Variants in RBBP4 observed in about 807,000 individuals in gnomAD.
The protein encoded by RBBP4 is RB binding protein 4, chromatin remodeling factor, also known as histone-binding protein RBBP4.
A neutral mutation model predicts 57.2 loss-of-function variants in RBBP4; 3 were observed. The ratio of observed to expected loss-of-function variants is 0.05; its 90% CI spans 0.02 to 0.14. The LOEUF is 0.14. Ranked by LOEUF, RBBP4 falls within the 10% of genes least tolerant of loss-of-function variation. The pLI is 1.00. For synonymous variants in RBBP4, 151 were observed against 171.5 expected (o/e 0.88, Z 0.93); for missense variants, 107 against 520.6 (o/e 0.21, Z 7.73).
At chr1:32,661,308 T>TTC (rs1180242635) in intron 3 of RBBP4, among the ~76,000 whole-genome samples, 1 of 148,992 alleles carries the variant, frequency 6.7e-6, no homozygotes, top group Non-Finnish European at 1.5e-5. Context: ...GTTCCTTTTT[T>TTC]TTTTTTTTTG....
In RBBP4 at chr1:32,653,637, G is replaced by GTTTTTTTTGTTTTTTTTTTTTT. The variant is rs1557849770; in HGVS notation, c.164+1584_164+1585insGTTTTTTTTTTTTTTTTTTTTT. Among the ~76,000 whole-genome samples, 30 of 20,780 alleles carry GTTTTTTTTGTTTTTTTTTTTTT rather than the reference G, an allele frequency of 1.4e-3. 6 individuals are homozygous for GTTTTTTTTGTTTTTTTTTTTTT. Among genetic ancestry groups the GTTTTTTTTGTTTTTTTTTTTTT allele is most frequent in the East Asian group, 2.4e-3 (1 of 424 alleles). The allele number at this position is 20,780 out of a possible 152,430, so 13.6% of individuals were successfully genotyped here. On this transcript the variant is annotated intron_variant, in intron 2 of 11. Transcript: ENST00000373493. ...TGCTTTGTGTGTTTTTTGTTTTCTG[G>GTTTTTTTTGTTTTTTTTTTTTT]TTTTTTTTTTTTTTTTTTTTTTGTT... is the stretch of plus-strand genomic sequence containing the variant.
intron 2 of RBBP4, 116 bp downstream of exon 2, chr1:32,652,177 G>C (rs1377456317): frequency 1.6e-6 from 2 of 1,252,106 alleles, no homozygotes; most frequent in Non-Finnish European, 2.2e-6. Context: ...AAAACCTCTT[G>C]GTGACATTTT....
In RBBP4 at chr1:32,686,155, A is replaced by G. The variant is rs1269965973; in HGVS notation, c.*6450A>G. ...ATGTAAAATATGTCAAAAATATTTG[A>G]TACTGATTACATGTTGAAATATATG... On this transcript the variant is annotated 3_prime_UTR_variant, in exon 12 of 12. Transcript: ENST00000373493. 1 of 152,250 alleles carries G rather than the reference A, an allele frequency of 6.6e-6. No individual in the cohort carries two copies. The highest frequency in any genetic ancestry group is 1.5e-5 in the Non-Finnish European group (1 of 68,046). The allele number at this position is 152,250 out of a possible 1,614,324, so 9.4% of individuals were successfully genotyped here. A position where few individuals can be genotyped will look rare whatever the true frequency, so the allele number is the denominator to read the frequency against.
At chr1:32,655,130 AG>A (rs1272935834) in intron 2 of RBBP4, among the ~76,000 whole-genome samples, 2 of 152,106 alleles carry the variant, frequency 1.3e-5, no homozygotes, top group African/African-American at 2.4e-5. Context: ...TTGGGGCTAC[AG>A]GCACACGCTA....
At chr1:32,670,262 T>C (rs950221594) in intron 8 of RBBP4, among the ~76,000 whole-genome samples, 1 of 152,212 alleles carries the variant, frequency 6.6e-6, no homozygotes, top group Non-Finnish European at 1.5e-5. Context: ...TAGTGATCTC[T>C]TCCCTTCTTC....
chr1:32,684,301 C>T lies in RBBP4; in HGVS notation c.*4596C>T, dbSNP rs1054988433. 2 of 1,614,188 alleles carry T rather than the reference C, an allele frequency of 1.2e-6. No individual in the cohort carries two copies. The highest frequency in any genetic ancestry group is 1.7e-6 in the Non-Finnish European group (2 of 1,180,036). ...TCAGCAAGACTGAGCCTTAGCTGTTCCATCTCTTTGTTCTTCTGTTGCTGG... is the reference window on the plus strand; with the variant it reads ...TCAGCAAGACTGAGCCTTAGCTGTTTCATCTCTTTGTTCTTCTGTTGCTGG... On this transcript the variant is annotated 3_prime_UTR_variant, in exon 12 of 12. Coordinates refer to ENST00000373493, the MANE Select transcript of RBBP4 (RefSeq NM_005610.3).
chr1:32,651,276 C>G lies in RBBP4; in HGVS notation c.-31C>G, dbSNP rs1207401852. The G allele has an allele frequency of 8.0e-6, 12 of 1,493,600 alleles. No homozygotes were observed. Among genetic ancestry groups the G allele is most frequent in the Non-Finnish European group, 1.1e-5 (12 of 1,122,532 alleles). The allele number at this position is 1,493,600 out of a possible 1,614,324, so 92.5% of individuals were successfully genotyped here. A position where few individuals can be genotyped will look rare whatever the true frequency, so the allele number is the denominator to read the frequency against. On this transcript the variant is annotated 5_prime_UTR_variant, in exon 1 of 12. Transcript: ENST00000373493. The stretch of plus-strand genomic sequence containing the variant: ...TCCCCGCCCCTCCCGCAACGCTCGA[C>G]CCCAGGATTCCCCCGGCTCGCCTGC...
intron 3 of RBBP4, among the ~76,000 whole-genome samples, chr1:32,663,976 G>T (rs1023129793): frequency 1.3e-5 from 2 of 149,258 alleles, no homozygotes; most frequent in East Asian, 3.9e-4. Context: ...GCCCAGGCTG[G>T]TATGCAGTGG....
In RBBP4 at chr1:32,680,761, CAA is replaced by C. The variant is rs1649382487; in HGVS notation, c.*1057_*1058del. The C allele has an allele frequency of 4.0e-6, 2 of 500,390 alleles. No homozygotes were observed. The highest frequency in any genetic ancestry group is 7.8e-5 in the Admixed American group (2 of 25,550). 31.0% of individuals were successfully genotyped at this position (500,390 alleles called of 1,614,324 possible). A position where few individuals can be genotyped will look rare whatever the true frequency, so the allele number is the denominator to read the frequency against. On this transcript the variant is annotated 3_prime_UTR_variant, in exon 12 of 12. Coordinates refer to ENST00000373493, the MANE Select transcript of RBBP4 (RefSeq NM_005610.3). The stretch of plus-strand genomic sequence containing the variant: ...GTTGTTGTCCATGGTCTTTGACTAT[CAA>C]GAGCAGAATTAAATGTAATAGTCCC...
At chr1:32,651,771 G>A (rs1323522511) in intron 1 of RBBP4, 143 bp from the exon 2 acceptor site, 1 of 996,540 alleles carries the variant, frequency 1.0e-6, no homozygotes, top group African/African-American at 1.6e-5. Flanking sequence ...CGAAAGTGGA[G>A]AGTGTGGATG....
chr1:32,672,636 T>A lies in RBBP4; in HGVS notation c.1044-6T>A, dbSNP rs1648926494. Reference sequence around the variant, plus strand: ...TTTAACTTTTAAAATTATGCTTTTGTACTAGTAAAATTGGAGAGGAACAAT... The same window carrying A: ...TTTAACTTTTAAAATTATGCTTTTGAACTAGTAAAATTGGAGAGGAACAAT... On this transcript the variant is annotated splice_region_variant and splice_polypyrimidine_tract_variant and intron_variant, in intron 9 of 11. Coordinates refer to ENST00000373493, the MANE Select transcript of RBBP4 (RefSeq NM_005610.3). 1.2e-5 allele frequency: 20 copies of A among 1,613,732 alleles called. No homozygotes were observed. Among genetic ancestry groups the A allele is most frequent in the Non-Finnish European group, 1.7e-5 (20 of 1,179,622 alleles).
rs1368770064 is a variant in RBBP4, at chr1:32,684,637, G to C, written c.*4932G>C. 5 of 452,736 alleles carry C rather than the reference G, an allele frequency of 1.1e-5. No homozygotes were observed. Among genetic ancestry groups the C allele is most frequent in the Non-Finnish European group, 2.0e-5 (5 of 252,484 alleles). The allele number at this position is 452,736 out of a possible 1,614,324, so 28.0% of individuals were successfully genotyped here. On this transcript the variant is annotated 3_prime_UTR_variant, in exon 12 of 12. Coordinates refer to ENST00000373493, the MANE Select transcript of RBBP4 (RefSeq NM_005610.3). ...AGCTTGCTTTAATAGAATCCTGGGA[G>C]GGTGATTGGGACTTTTTAGTATTAC...
Position 32,669,747 on chromosome 1 carries a change from G to A in RBBP4, c.966+184G>A, listed in dbSNP as rs570402567. Reference sequence around the variant, plus strand: ...CTACTAAAAATATAAAAAATTAGCCGGGCATGGTGGCGGATGCCCGTAGTC... The same window carrying A: ...CTACTAAAAATATAAAAAATTAGCCAGGCATGGTGGCGGATGCCCGTAGTC... On this transcript the variant is annotated intron_variant, in intron 8 of 11. Transcript: ENST00000373493. The surrounding 1 kb of genome is among the most constrained non-coding windows in gnomAD (Gnocchi z 4.9). Among the ~76,000 whole-genome samples, 5 of 152,216 alleles carry A rather than the reference G, an allele frequency of 3.3e-5. No homozygotes were observed. The highest frequency in any genetic ancestry group is 6.5e-5 in the Admixed American group (1 of 15,284).
rs1238662417 is a variant in RBBP4, at chr1:32,672,635, G to T, written c.1044-7G>T. ...TTTTAACTTTTAAAATTATGCTTTT[G>T]TACTAGTAAAATTGGAGAGGAACAA... On this transcript the variant is annotated splice_region_variant and splice_polypyrimidine_tract_variant and intron_variant, in intron 9 of 11. Coordinates refer to ENST00000373493, the MANE Select transcript of RBBP4 (RefSeq NM_005610.3). The T allele has an allele frequency of 1.1e-5, 18 of 1,613,468 alleles. No homozygotes were observed. The highest frequency in any genetic ancestry group is 1.5e-5 in the Non-Finnish European group (18 of 1,179,546).
chr1:32,668,438 T>C (rs758376810), intron 4 of RBBP4, 40 bp downstream of exon 4: 4 of 1,512,146 alleles, frequency 2.6e-6, no homozygotes, highest in Non-Finnish European at 3.6e-6. Context: ...TGAGTCACTA[T>C]AGAAATACAT....
At chr1:32,654,559 T>C (rs1648051015) in intron 2 of RBBP4, among the ~76,000 whole-genome samples, 1 of 152,212 alleles carries the variant, frequency 6.6e-6, no homozygotes, top group Non-Finnish European at 1.5e-5. Context: ...AGTAATATAA[T>C]AGAATGACTA....
intron 3 of RBBP4, among the ~76,000 whole-genome samples, chr1:32,660,919 C>T (rs554195998): frequency 6.6e-6 from 1 of 152,304 alleles, no homozygotes; most frequent in South Asian, 2.1e-4. Flanking sequence ...AAGCAGTCCT[C>T]CTGCCTCAGC....
At chr1:32,656,385 C>T (rs1258572335) in intron 2 of RBBP4, among the ~76,000 whole-genome samples, 1 of 151,996 alleles carries the variant, frequency 6.6e-6, no homozygotes, top group African/African-American at 2.4e-5. Context: ...CAGAGTCTTG[C>T]TCTTTCGCCC....
At position 32,672,139 on chromosome 1, in the gene RBBP4, G is replaced by A. The variant is rs529904263; in HGVS notation, c.967-311G>A. Among the ~76,000 whole-genome samples the A allele has an allele frequency of 3.6e-4, 54 of 151,982 alleles. No homozygotes were observed. The South Asian group carries it at 0.011, about 31-fold the overall frequency. Reference sequence around the variant, plus strand: ...CGAGTAGCTGGGATTACAGGCGCCTGCCACCACACCCAGCTAATTTTTGTA... The same window carrying A: ...CGAGTAGCTGGGATTACAGGCGCCTACCACCACACCCAGCTAATTTTTGTA... On this transcript the variant is annotated intron_variant, in intron 8 of 11. Transcript: ENST00000373493.
Sources: allele counts gnomAD v4.1 joint callset (sites outside exome capture counted in the v4.1 genomes callset), GRCh38; gene constraint gnomAD v4.1.1; non-coding constraint Gnocchi (gnomAD v3.1); transcripts MANE v1.5; gene names NCBI Gene and HGNC (gene_info 2026-07-23, HGNC 2026-07-21).